The following LRRC56 variants were observed in gnomAD, a reference collection of about 807,000 sequenced individuals.
The protein encoded by LRRC56 is leucine rich repeat containing 56.
A neutral mutation model predicts 47.8 loss-of-function variants in LRRC56; 41 were observed. That is an observed-to-expected ratio of 0.86 (90% CI 0.67 to 1.11). The LOEUF (loss-of-function observed/expected upper bound fraction) is 1.11. LRRC56 is among the 50% of genes most tolerant of loss of function. The probability of loss-of-function intolerance (pLI) is 0.00; values close to 1 mark genes in which losing one functional copy is unlikely to be tolerated. For missense variants in LRRC56, 759 were observed against 704.2 expected, an observed-to-expected ratio of 1.08 and a Z score of -0.88; for synonymous variants, 387 against 311.2, an observed-to-expected ratio of 1.24 and a Z score of -2.56.
the LRRC56 span, among the ~76,000 whole-genome samples, chr11:517,935 A>G: frequency 6.6e-6 from 1 of 152,220 alleles, no homozygotes; most frequent in Non-Finnish European, 1.5e-5. Context: ...GGGCGGTGCC[A>G]GATGTGCTTT....
chr11:511,312 C>T, the LRRC56 span, among the ~76,000 whole-genome samples: 4 of 143,480 alleles, frequency 2.8e-5, no homozygotes, highest in East Asian at 4.0e-4. Flanking sequence ...CAGAGCTAGA[C>T]TCCGTCTCAA....
chr11:508,628 A>C, the LRRC56 span, among the ~76,000 whole-genome samples: 2 of 151,748 alleles, frequency 1.3e-5, no homozygotes, highest in African/African-American at 4.8e-5. Flanking sequence ...TTAGCCAGGC[A>C]TGGTGGTGGG....
the LRRC56 span, among the ~76,000 whole-genome samples, chr11:512,750 C>A: frequency 6.6e-6 from 1 of 152,156 alleles, no homozygotes; most frequent in Non-Finnish European, 1.5e-5. Context: ...GAGTGGTATC[C>A]ATGCCATTTA....
the LRRC56 span, among the ~76,000 whole-genome samples, chr11:512,703 C>G: frequency 2.0e-5 from 3 of 152,216 alleles, no homozygotes; most frequent in African/African-American, 4.8e-5. Flanking sequence ...ATTGCATGTT[C>G]TCTTTTGTAT....
chr11:537,803 C>T (rs1851595203), intron 1 of LRRC56, among the ~76,000 whole-genome samples, 198 bp downstream of exon 1: 1 of 152,174 alleles, frequency 6.6e-6, no homozygotes, highest in Non-Finnish European at 1.5e-5. Flanking sequence ...ACTGAAAGGG[C>T]TCCCTGTCAG....
chr11:540,092 G>T (rs778607307), intron 3 of LRRC56, among the ~76,000 whole-genome samples: 26 of 152,206 alleles, frequency 1.7e-4, no homozygotes, highest in Non-Finnish European at 3.4e-4. Context: ...TCTGACTCTT[G>T]CAGGTACTGC....
chr11:549,011 G>A (rs1293365566), intron 6 of LRRC56, among the ~76,000 whole-genome samples: 1 of 152,200 alleles, frequency 6.6e-6, no homozygotes, highest in Non-Finnish European at 1.5e-5. Flanking sequence ...AAAAGCCATT[G>A]AAGGCAGCAG....
At chr11:510,221 C>T in the LRRC56 span, among the ~76,000 whole-genome samples, 4 of 152,154 alleles carry the variant, frequency 2.6e-5, no homozygotes, top group South Asian at 2.1e-4. Flanking sequence ...GAGAAAACAC[C>T]GTGGTGCTGA....
chr11:550,580 G>GCA, intron 8 of LRRC56, among the ~76,000 whole-genome samples: 1 of 152,252 alleles, frequency 6.6e-6, no homozygotes, highest in East Asian at 1.9e-4. Flanking sequence ...ACGGATGTGT[G>GCA]CACACACACA....
intron 5 of LRRC56, among the ~76,000 whole-genome samples, chr11:542,185 C>T (rs2134027163): frequency 6.8e-6 from 1 of 146,922 alleles, no homozygotes; most frequent in South Asian, 2.3e-4. Context: ...GTACCCCCGG[C>T]ACGCTCAGTG....
Position 554,599 on chromosome 11 carries a change from C to G in LRRC56, c.*323C>G, listed in dbSNP as rs781576723. On this transcript the variant is annotated 3_prime_UTR_variant, in exon 14 of 14. Coordinates refer to ENST00000270115, the MANE Select transcript of LRRC56 (RefSeq NM_198075.4). ...GCAGGCCTGTGAGAGGCCTCTCCTG[C>G]TAGAATTGGGCATGGCCGAGGGGCA... 31 of 408,522 alleles carry G rather than the reference C, an allele frequency of 7.6e-5. No homozygotes were observed. Among genetic ancestry groups the G allele is most frequent in the Non-Finnish European group, 7.0e-5 (16 of 229,622 alleles). 25.3% of individuals were successfully genotyped at this position (408,522 alleles called of 1,614,324 possible). A position where few individuals can be genotyped will look rare whatever the true frequency, so the allele number is the denominator to read the frequency against.
At chr11:540,384 C>A (rs758668463) in intron 3 of LRRC56, among the ~76,000 whole-genome samples, 2 of 152,204 alleles carry the variant, frequency 1.3e-5, no homozygotes, top group Non-Finnish European at 2.9e-5. Flanking sequence ...GCACTCCCTG[C>A]ATGGACCCTG....
At chr11:519,305 GCGGGC>G in the LRRC56 span, among the ~76,000 whole-genome samples, 3 of 132,442 alleles carry the variant, frequency 2.3e-5, no homozygotes, top group African/African-American at 8.5e-5. Flanking sequence ...TTATTAGAAC[GCGGGC>G]TGATACACAG....
the LRRC56 span, among the ~76,000 whole-genome samples, chr11:510,778 C>T: frequency 6.7e-5 from 10 of 148,824 alleles, no homozygotes; most frequent in Non-Finnish European, 1.5e-4. Flanking sequence ...GCGTGGTGGC[C>T]TGCACCTGTA....
rs768150786 is a variant in LRRC56, at chr11:541,527, G to A, written c.178-10G>A. On this transcript the variant is annotated splice_polypyrimidine_tract_variant and intron_variant, in intron 4 of 13. Coordinates refer to ENST00000270115, the MANE Select transcript of LRRC56 (RefSeq NM_198075.4). The surrounding 1 kb of genome is among the most constrained non-coding windows in gnomAD (Gnocchi z 4.1). ...CAGGACCAGCGCTGACCCCCGGTTG[G>A]TTTCTACAGCAGGCCCTGGCCCGGG... The A allele has an allele frequency of 1.3e-6, 2 of 1,541,212 alleles. No homozygotes were observed. The highest frequency in any genetic ancestry group is 2.5e-5 in the East Asian group (1 of 40,404).
chr11:541,768 G>A lies in LRRC56; in HGVS notation c.265+144G>A. 1.8e-6 allele frequency: 1 copy of A among 545,918 alleles called. No individual in the cohort carries two copies. The highest frequency in any genetic ancestry group is 3.7e-5 in the Admixed American group (1 of 26,810). 33.8% of individuals were successfully genotyped at this position (545,918 alleles called of 1,614,324 possible). A position where few individuals can be genotyped will look rare whatever the true frequency, so the allele number is the denominator to read the frequency against. Reference sequence around the variant, plus strand: ...CCTTAGGGTTGGCCTCTGACCTGAGGTCTGTGTCAGGTACAGGCAGAGGGC... The same window carrying A: ...CCTTAGGGTTGGCCTCTGACCTGAGATCTGTGTCAGGTACAGGCAGAGGGC... On this transcript the variant is annotated intron_variant, in intron 5 of 13. Coordinates refer to ENST00000270115, the MANE Select transcript of LRRC56 (RefSeq NM_198075.4). This position sits in a 1 kb window ranked among gnomAD's most constrained non-coding sequence, Gnocchi z 4.1.
the LRRC56 span, among the ~76,000 whole-genome samples, chr11:523,127 C>G: frequency 6.6e-6 from 1 of 152,126 alleles, no homozygotes; most frequent in African/African-American, 2.4e-5. Context: ...CTCCCAGGTT[C>G]AAGCGATTCT....
upstream of LRRC56, among the ~76,000 whole-genome samples, chr11:535,806 A>T (rs936994341): frequency 4.2e-4 from 64 of 152,064 alleles, no homozygotes; most frequent in African/African-American, 1.5e-3. Context: ...GAGGAAGGCC[A>T]GGGAGCCGGT....
intron 6 of LRRC56, among the ~76,000 whole-genome samples, chr11:548,032 A>G (rs1309168776): frequency 6.6e-6 from 1 of 152,108 alleles, no homozygotes; most frequent in Non-Finnish European, 1.5e-5. Flanking sequence ...AGGCTGAGGC[A>G]GGAGAATTGC....
Sources: allele counts gnomAD v4.1 joint callset (sites outside exome capture counted in the v4.1 genomes callset), GRCh38; gene constraint gnomAD v4.1.1; non-coding constraint Gnocchi (gnomAD v3.1); transcripts MANE v1.5; gene names NCBI Gene and HGNC (gene_info 2026-07-23, HGNC 2026-07-21).